The following GOLGA6L9 variants were observed in gnomAD, a reference collection of about 807,000 sequenced individuals.
GOLGA6L9 encodes the protein golgin A6 family like 9.
In GOLGA6L9, 19 loss-of-function variants were observed where a neutral mutation model predicts 51.3. The ratio of observed to expected loss-of-function variants is 0.37; its 90% CI spans 0.26 to 0.54. GOLGA6L9 has a LOEUF of 0.54. Ranked by LOEUF, GOLGA6L9 falls within the 20% of genes least tolerant of loss-of-function variation. The pLI is 0.83. For synonymous variants in GOLGA6L9, 97 were observed against 184.2 expected, an observed-to-expected ratio of 0.53 and a Z score of 3.83; for missense variants, 247 against 464.1, an observed-to-expected ratio of 0.53 and a Z score of 4.30.
At position 82,434,225 on chromosome 15, in the gene GOLGA6L9, C is replaced by G; in HGVS notation, c.625C>G (p.Arg209Gly). 6.5e-7 allele frequency: 1 copy of G among 1,547,996 alleles called. No homozygotes were observed. Among genetic ancestry groups the G allele is most frequent in the Non-Finnish European group, 8.7e-7 (1 of 1,154,646 alleles). The change falls in exon 6 of 9, where the codon CGT (arginine) becomes GGT (glycine). Residue 209 changes from arginine to glycine, a missense_variant. By Grantham distance (125) the Arg-to-Gly change is moderately radical. Coordinates refer to ENST00000618348, the MANE Select transcript of GOLGA6L9 (RefSeq NM_198181.4). ...ERLREQEERL[R>G]EQEERLCEQE... ...GCTACGTGAACAGGAGGAGAGGCTA[C>G]GTGAACAGGAGGAGAGGCTGTGTGA... is the stretch of plus-strand genomic sequence containing the variant.
At chr15:82,424,413 A>T in the GOLGA6L9 span, among the ~76,000 whole-genome samples, 10,598 of 151,648 alleles carry the variant, frequency 0.07, 62 homozygotes, top group African/African-American at 0.12. Context: ...AATTTTTTCC[A>T]GGTGAATAAA....
chr15:82,432,107 A>G (rs2031427224), intron 2 of GOLGA6L9, 158 bp downstream of exon 2: 1 of 1,097,622 alleles, frequency 9.1e-7, no homozygotes. Context: ...ATTGATTAGC[A>G]TATGATTTAG....
chr15:82,433,381 T>C (rs2150828298), intron 4 of GOLGA6L9, among the ~76,000 whole-genome samples, 181 bp from the exon 5 acceptor site: 1 of 152,186 alleles, frequency 6.6e-6, no homozygotes, highest in East Asian at 1.9e-4. Context: ...CCTTTGCTGT[T>C]TTATATCTCT....
chr15:82,429,076 TTTA>T (rs2031300222), upstream of GOLGA6L9, among the ~76,000 whole-genome samples: 1 of 151,994 alleles, frequency 6.6e-6, no homozygotes, highest in Admixed American at 6.6e-5. Context: ...CTTATTTTAT[TTTA>T]TTTTATTTCT....
Position 82,434,244 on chromosome 15 carries a change from T to C in GOLGA6L9, c.644T>C (p.Leu215Pro), listed in dbSNP as rs1296059531. 2 of 1,551,232 alleles carry C rather than the reference T, an allele frequency of 1.3e-6. No homozygotes were observed. Among genetic ancestry groups the C allele is most frequent in the East Asian group, 2.3e-5 (1 of 42,568 alleles). The change falls in exon 6 of 9, where the codon CTG (leucine) becomes CCG (proline). Residue 215 changes from leucine (L) to proline (P), a missense_variant. Coordinates refer to ENST00000618348, the MANE Select transcript of GOLGA6L9 (RefSeq NM_198181.4). ...AGGCTACGTGAACAGGAGGAGAGGC[T>C]GTGTGAACAGGAGGAGAGGCTGTGT... ...EERLREQEER[L>P]CEQEERLCEQ...
the GOLGA6L9 span, among the ~76,000 whole-genome samples, chr15:82,418,212 A>T: frequency 6.6e-6 from 1 of 152,198 alleles, no homozygotes; most frequent in African/African-American, 2.4e-5. Context: ...CCTTCTCTGC[A>T]AAATAATTTG....
the GOLGA6L9 span, among the ~76,000 whole-genome samples, chr15:82,423,950 T>C: frequency 7.3e-6 from 1 of 136,274 alleles, no homozygotes; most frequent in Non-Finnish European, 1.6e-5. Context: ...TCCTAGGCAC[T>C]CAGTTCAGTG....
Position 82,438,752 on chromosome 15 carries a change from A to G in GOLGA6L9, c.*2341A>G, listed in dbSNP as rs2031818702. The G allele has an allele frequency of 1.7e-5, 2 of 119,632 alleles. No individual in the cohort carries two copies. The highest frequency in any genetic ancestry group is 3.6e-3 in the Middle Eastern group (1 of 280). 7.4% of individuals were successfully genotyped at this position (119,632 alleles called of 1,614,324 possible). ...CAAAATGAAAAACAATCAGTTCTAAAACCAAAGCTGATTTTTAGAAAATGT... is the reference window on the plus strand; with the variant it reads ...CAAAATGAAAAACAATCAGTTCTAAGACCAAAGCTGATTTTTAGAAAATGT... On this transcript the variant is annotated 3_prime_UTR_variant, in exon 9 of 9. Coordinates refer to ENST00000618348, the MANE Select transcript of GOLGA6L9 (RefSeq NM_198181.4).
At chr15:82,416,369 T>C in the GOLGA6L9 span, among the ~76,000 whole-genome samples, 1 of 152,188 alleles carries the variant, frequency 6.6e-6, no homozygotes, top group African/African-American at 2.4e-5. Context: ...TATTCATCTT[T>C]CTGTGTAGCT....
the GOLGA6L9 span, among the ~76,000 whole-genome samples, chr15:82,417,437 G>A: frequency 9.2e-5 from 14 of 152,172 alleles, no homozygotes; most frequent in African/African-American, 3.4e-4. Context: ...CAGTGCTGCT[G>A]GAAGTGTATA....
At position 82,434,182 on chromosome 15, in the gene GOLGA6L9, C is replaced by A; in HGVS notation, c.582C>A (p.Asn194Lys). ...ACAATCAGATGTTGAGTCTCCTGAACAGGAGACAGGAGGAGAGGCTACGTG... is the reference window on the plus strand; with the variant it reads ...ACAATCAGATGTTGAGTCTCCTGAAAAGGAGACAGGAGGAGAGGCTACGTG... ...VENNQMLSLL[N>K]RRQEERLREQ... The change falls in exon 6 of 9, where the codon AAC (asparagine) becomes AAA (lysine). Residue 194 changes from asparagine (N) to lysine (K), a missense_variant. Asn to Lys is a moderately conservative substitution (Grantham distance 94). Around this residue, in one of 9 missense-constraint regions of GOLGA6L9, gnomAD observed 66 missense variants for 66.2 expected, o/e 1.00. Coordinates refer to ENST00000618348, the MANE Select transcript of GOLGA6L9 (RefSeq NM_198181.4). 6.5e-7 allele frequency: 1 copy of A among 1,544,154 alleles called. No homozygotes were observed. The highest frequency in any genetic ancestry group is 2.4e-5 in the East Asian group (1 of 41,924).
chr15:82,429,415 GTTTTTAAAAGAAA>G (rs1474868474), upstream of GOLGA6L9, among the ~76,000 whole-genome samples: 1,605 of 151,602 alleles, frequency 0.011, 19 homozygotes, highest in Middle Eastern at 0.051. Flanking sequence ...CATGTTTCTT[GTTTTTAAAAGAAA>G]TCTTAACAAT....
At position 82,437,018 on chromosome 15, in the gene GOLGA6L9, A is replaced by T. The variant is rs1234719045; in HGVS notation, c.*607A>T. 1 of 154,744 alleles carries T rather than the reference A, an allele frequency of 6.5e-6. No homozygotes were observed. Among genetic ancestry groups the T allele is most frequent in the Non-Finnish European group, 1.4e-5 (1 of 70,278 alleles). The allele number at this position is 154,744 out of a possible 1,614,324, so 9.6% of individuals were successfully genotyped here. A position where few individuals can be genotyped will look rare whatever the true frequency, so the allele number is the denominator to read the frequency against. ...TTCCCCCTTTTTCTGTGTATTGGGGATGGGAGTAATAACATTTTGGGGAGG... is the reference window on the plus strand; with the variant it reads ...TTCCCCCTTTTTCTGTGTATTGGGGTTGGGAGTAATAACATTTTGGGGAGG... On this transcript the variant is annotated 3_prime_UTR_variant, in exon 9 of 9. Transcript: ENST00000618348.
At chr15:82,419,248 G>A in the GOLGA6L9 span, 2 of 240,488 alleles carry the variant, frequency 8.3e-6, no homozygotes, top group Non-Finnish European at 8.5e-6. Context: ...GGAACCTCTG[G>A]TGATTATTTT....
rs1435057108 is a variant in GOLGA6L9, at chr15:82,437,854, T to G, written c.*1443T>G. ...CAAAGTGTCATGAGGAAAGTGTCTA[T>G]ACAATCACAGAGTTATATTTCCTCA... On this transcript the variant is annotated 3_prime_UTR_variant, in exon 9 of 9. Coordinates refer to ENST00000618348, the MANE Select transcript of GOLGA6L9 (RefSeq NM_198181.4). 2 of 151,326 alleles carry G rather than the reference T, an allele frequency of 1.3e-5. No homozygotes were observed. Among genetic ancestry groups the G allele is most frequent in the Non-Finnish European group, 2.9e-5 (2 of 67,822 alleles). 9.4% of individuals were successfully genotyped at this position (151,326 alleles called of 1,614,324 possible). A position where few individuals can be genotyped will look rare whatever the true frequency, so the allele number is the denominator to read the frequency against.
the GOLGA6L9 span, chr15:82,415,982 T>TAA: frequency 6.6e-6 from 1 of 152,080 alleles, no homozygotes; most frequent in African/African-American, 2.4e-5. Flanking sequence ...GTGACAAAGA[T>TAA]AAACTCCATC....
At chr15:82,416,999 C>G in the GOLGA6L9 span, among the ~76,000 whole-genome samples, 1 of 152,214 alleles carries the variant, frequency 6.6e-6, no homozygotes, top group African/African-American at 2.4e-5. Flanking sequence ...AGCAGTCACT[C>G]TGTATACTCG....
At chr15:82,431,977 G>A (rs2031421005) in intron 2 of GOLGA6L9, 28 bp downstream of exon 2, 1 of 1,339,916 alleles carries the variant, frequency 7.5e-7, no homozygotes, top group African/African-American at 1.5e-5. Flanking sequence ...AGGCTCCTGG[G>A]GACAGGGAGC....
At position 82,438,062 on chromosome 15, in the gene GOLGA6L9, C is replaced by T. The variant is rs1256633083; in HGVS notation, c.*1651C>T. ...CAGTTACTTTAAGCCCATTTTAAAC[C>T]CTCAGGCTAGAAATCGTACCACTGT... On this transcript the variant is annotated 3_prime_UTR_variant, in exon 9 of 9. Coordinates refer to ENST00000618348, the MANE Select transcript of GOLGA6L9 (RefSeq NM_198181.4). 4 of 150,710 alleles carry T rather than the reference C, an allele frequency of 2.7e-5. No individual in the cohort carries two copies. Among genetic ancestry groups the T allele is most frequent in the Non-Finnish European group, 5.9e-5 (4 of 67,708 alleles). The allele number at this position is 150,710 out of a possible 1,614,324, so 9.3% of individuals were successfully genotyped here.
Sources: allele counts gnomAD v4.1 joint callset (sites outside exome capture counted in the v4.1 genomes callset), GRCh38; gene constraint gnomAD v4.1.1; regional missense constraint gnomAD v4.1.1; transcripts MANE v1.5; gene names NCBI Gene and HGNC (gene_info 2026-07-23, HGNC 2026-07-21).